Variants in AP3B1 observed in about 807,000 individuals in gnomAD.
AP3B1 encodes AP-3 complex subunit beta-1.
In AP3B1, 61 loss-of-function variants were observed where a neutral mutation model predicts 132.5. The ratio of observed to expected loss-of-function variants is 0.46; its 90% CI spans 0.37 to 0.57. The LOEUF (loss-of-function observed/expected upper bound fraction) is 0.57, where lower values mean the gene tolerates loss of function less well. AP3B1 is among the 20% of genes least tolerant of loss of function. The pLI is 0.00. For synonymous variants in AP3B1, 388 were observed against 438.3 expected, an observed-to-expected ratio of 0.89 and a Z score of 1.43; for missense variants, 1,120 against 1,289.4, an observed-to-expected ratio of 0.87 and a Z score of 2.01.
intron 7 of AP3B1, among the ~76,000 whole-genome samples, chr5:78,214,771 C>T (rs1745886858): frequency 6.6e-6 from 1 of 151,994 alleles, no homozygotes; most frequent in African/African-American, 2.4e-5. Context: ...CTGTACTTTG[C>T]TCAATGATAA....
chr5:78,052,492 C>A (rs1362320247), intron 22 of AP3B1, among the ~76,000 whole-genome samples: 1 of 152,080 alleles, frequency 6.6e-6, no homozygotes, highest in Non-Finnish European at 1.5e-5. Flanking sequence ...ATATGAAATT[C>A]ATTTTAGTGT....
At chr5:78,144,984 C>T (rs965160966) in intron 14 of AP3B1, among the ~76,000 whole-genome samples, 1 of 152,126 alleles carries the variant, frequency 6.6e-6, no homozygotes. Context: ...CAGGCATGAG[C>T]CACCATGCCA....
At position 78,015,434 on chromosome 5, in the gene AP3B1, G is replaced by A; in HGVS notation, c.3107C>T (p.Pro1036Leu). 6.2e-7 allele frequency: 1 copy of A among 1,613,850 alleles called. No homozygotes were observed. Among genetic ancestry groups the A allele is most frequent in the Non-Finnish European group, 8.5e-7 (1 of 1,179,846 alleles). Residue 1036 changes from proline (P) to leucine (L), a missense_variant, in exon 26 of 27, where the codon CCT becomes CTT. Transcript: ENST00000255194. Reference sequence around the variant, plus strand: ...CCTGTGTATATTATCCTGGCCAGAAGGGACTGCACCTACATTGGCTACATT... The same window carrying A: ...CCTGTGTATATTATCCTGGCCAGAAAGGACTGCACCTACATTGGCTACATT... ...VVNVANVGAV[P>L]SGQDNIHRFA...
chr5:78,153,640 C>A (rs1267947828), intron 14 of AP3B1, among the ~76,000 whole-genome samples: 1 of 152,110 alleles, frequency 6.6e-6, no homozygotes, highest in Non-Finnish European at 1.5e-5. Context: ...TCCATCCTTT[C>A]TTCCTGTTTT....
At chr5:78,102,732 T>C (rs1477540171) in intron 20 of AP3B1, among the ~76,000 whole-genome samples, 1 of 152,268 alleles carries the variant, frequency 6.6e-6, no homozygotes, top group African/African-American at 2.4e-5. Context: ...TAAGCTACAA[T>C]GGTGCATGAC....
At chr5:78,152,201 G>T (rs900624195) in intron 14 of AP3B1, among the ~76,000 whole-genome samples, 2 of 147,592 alleles carry the variant, frequency 1.4e-5, no homozygotes, top group African/African-American at 5.0e-5. Flanking sequence ...CTTGTAGAAT[G>T]AATTTGGAAG....
At chr5:78,141,096 A>G (rs1561434902) in intron 15 of AP3B1, 47 bp downstream of exon 15, 6 of 1,559,620 alleles carry the variant, frequency 3.8e-6, no homozygotes, top group Non-Finnish European at 4.4e-6. Flanking sequence ...GATCAGAGTG[A>G]AGAGGAAAGT....
At chr5:78,209,265 G>C (rs1424089351) in intron 7 of AP3B1, among the ~76,000 whole-genome samples, 2 of 152,030 alleles carry the variant, frequency 1.3e-5, no homozygotes, top group South Asian at 2.1e-4. Flanking sequence ...TTGGAATTCA[G>C]GAAAAGCCAA....
At chr5:78,269,824 T>C (rs2112565582) in intron 1 of AP3B1, among the ~76,000 whole-genome samples, 1 of 152,182 alleles carries the variant, frequency 6.6e-6, no homozygotes, top group East Asian at 1.9e-4. Flanking sequence ...TAATTTTATG[T>C]TTATTGAGTC....
chr5:78,174,517 G>A, intron 11 of AP3B1, among the ~76,000 whole-genome samples: 1 of 151,172 alleles, frequency 6.6e-6, no homozygotes, highest in South Asian at 2.1e-4. Flanking sequence ...CACCAGCGGA[G>A]GCTGCAGCAC....
chr5:78,218,496 A>G (rs1746049747), intron 6 of AP3B1, among the ~76,000 whole-genome samples: 1 of 152,108 alleles, frequency 6.6e-6, no homozygotes. Flanking sequence ...TGCTGTTGCT[A>G]TGAACTTCAG....
chr5:78,090,469 A>G (rs1474433922), intron 21 of AP3B1, among the ~76,000 whole-genome samples: 2 of 152,128 alleles, frequency 1.3e-5, no homozygotes, highest in Non-Finnish European at 2.9e-5. Context: ...CTGTTTGCCT[A>G]CTTCTCTGCC....
chr5:78,007,084 A>C (rs1195526589), intron 26 of AP3B1, among the ~76,000 whole-genome samples: 1 of 152,236 alleles, frequency 6.6e-6, no homozygotes, highest in African/African-American at 2.4e-5. Flanking sequence ...CATGCACTTA[A>C]ACTATACTTT....
intron 22 of AP3B1, among the ~76,000 whole-genome samples, chr5:78,052,015 G>C (rs12653329): frequency 6.6e-6 from 1 of 151,132 alleles, no homozygotes; most frequent in African/African-American, 2.5e-5. Context: ...ACCTAGAATA[G>C]GATTTAAAAA....
At position 78,087,814 on chromosome 5, in the gene AP3B1, TCA is replaced by T. The variant is rs1491365848; in HGVS notation, c.2577+1577_2577+1578del. On this transcript the variant is annotated intron_variant, in intron 22 of 26. Transcript: ENST00000255194. ...ATTAATAAAGTAGAAGAGTCTACAC[TCA>T]GAGTCCATTATCACATATCGTATCA... 8 of 465,072 alleles carry T rather than the reference TCA, an allele frequency of 1.7e-5. No homozygotes were observed. In the Admixed American group the frequency reaches 3.2e-4, roughly 19 times the overall value. The allele number at this position is 465,072 out of a possible 1,614,324, so 28.8% of individuals were successfully genotyped here. A position where few individuals can be genotyped will look rare whatever the true frequency, so the allele number is the denominator to read the frequency against.
chr5:78,224,136 T>C (rs962091869), intron 6 of AP3B1, among the ~76,000 whole-genome samples: 16 of 152,278 alleles, frequency 1.1e-4, no homozygotes, highest in African/African-American at 3.1e-4. Flanking sequence ...ATCTGGCAGA[T>C]AGCATGCCTG....
At chr5:78,132,927 TAAAAC>T (rs1752750069) in intron 15 of AP3B1, among the ~76,000 whole-genome samples, 1 of 152,204 alleles carries the variant, frequency 6.6e-6, no homozygotes, top group Non-Finnish European at 1.5e-5. Context: ...TGCCAAATAA[TAAAAC>T]AAACTTTAGA....
intron 15 of AP3B1, among the ~76,000 whole-genome samples, chr5:78,139,008 T>C (rs929052618): frequency 8.9e-6 from 1 of 112,194 alleles, no homozygotes; most frequent in Non-Finnish European, 1.8e-5. Context: ...GAAACTGAGC[T>C]CCAAAACTGC....
At chr5:78,223,563 G>A (rs1276001235) in intron 6 of AP3B1, among the ~76,000 whole-genome samples, 1 of 151,804 alleles carries the variant, frequency 6.6e-6, no homozygotes, top group African/African-American at 2.4e-5. Context: ...TTTACTTTCT[G>A]GTGTATTTTG....
Sources: gnomAD v4.1 joint callset for allele counts (sites outside exome capture counted in the v4.1 genomes callset) on GRCh38, gnomAD v4.1.1 for gene constraint, MANE v1.5 for transcripts, NCBI Gene and HGNC (gene_info 2026-07-23, HGNC 2026-07-21) for gene names.